The following IL10RA variants were observed in gnomAD, a reference collection of about 807,000 sequenced individuals.
The protein encoded by IL10RA is interleukin-10 receptor subunit alpha.
IL10RA carries 18 observed loss-of-function variants against 29.6 expected under a neutral mutation model. The observed-to-expected ratio is 0.61, with a 90% CI of 0.42 to 0.90. The LOEUF is 0.90. IL10RA is among the 40% of genes least tolerant of loss of function. The pLI, the probability that IL10RA is intolerant of heterozygous loss-of-function variation, is 0.00. For synonymous variants in IL10RA, 292 were observed against 294.1 expected (o/e 0.99, Z 0.07); for missense variants, 634 against 716.6 (o/e 0.88, Z 1.32).
At position 117,989,157 on chromosome 11, in the gene IL10RA, G is replaced by T. The variant is rs2134982724; in HGVS notation, c.189-285G>T. ...TGACTGTAAAGGCAGTGGGGAGAAG[G>T]GAGAGACCAGGCTGTGCTGTAGGAG... On this transcript the variant is annotated intron_variant, in intron 2 of 6. Transcript: ENST00000227752. The surrounding 1 kb of genome is among the most constrained non-coding windows in gnomAD (Gnocchi z 4.5). Among the ~76,000 whole-genome samples, 1 of 152,350 alleles carries T rather than the reference G, an allele frequency of 6.6e-6. No individual in the cohort carries two copies. Among genetic ancestry groups the T allele is most frequent in the Non-Finnish European group, 1.5e-5 (1 of 68,024 alleles).
At chr11:117,996,681 CTCAGGTT>C (rs1415412861) in intron 6 of IL10RA, among the ~76,000 whole-genome samples, 2 of 152,252 alleles carry the variant, frequency 1.3e-5, no homozygotes, top group African/African-American at 2.4e-5. Flanking sequence ...GCCTCACCCT[CTCAGGTT>C]CCAGTGATTC....
Position 117,999,174 on chromosome 11 carries a change from C to A in IL10RA, c.1270C>A (p.His424Asn), listed in dbSNP as rs1204491514. The A allele has an allele frequency of 6.2e-7, 1 of 1,614,066 alleles. No individual in the cohort carries two copies. The highest frequency in any genetic ancestry group is 8.5e-7 in the Non-Finnish European group (1 of 1,180,018). Residue 424 changes from histidine to asparagine, a missense_variant, in exon 7 of 7, where the codon CAC (histidine) becomes AAC (asparagine). Physicochemically the swap from His to Asn is moderately conservative, Grantham distance 68. Coordinates refer to ENST00000227752, the MANE Select transcript of IL10RA (RefSeq NM_001558.4). ...CACACAGGGTGGCTCGGCCTTGGGC[C>A]ACCACAGTCCCCCGGAGCCTGAGGT... Reference protein sequence around the residue: ...GDTQGGSALGHHSPPEPEVPG... With the variant: ...GDTQGGSALGNHSPPEPEVPG...
chr11:117,990,399 GC>G (rs1195539392), intron 3 of IL10RA, among the ~76,000 whole-genome samples: 1 of 151,378 alleles, frequency 6.6e-6, no homozygotes, highest in African/African-American at 2.4e-5. Context: ...TTTGATTTGA[GC>G]AAGGCAATTA....
At position 117,988,512 on chromosome 11, in the gene IL10RA, A is replaced by T; in HGVS notation, c.188+10A>T. 1.2e-6 allele frequency: 2 copies of T among 1,613,196 alleles called. No individual in the cohort carries two copies. The highest frequency in any genetic ancestry group is 2.2e-5 in the South Asian group (2 of 91,068). On this transcript the variant is annotated intron_variant, in intron 2 of 6. Transcript: ENST00000227752. Reference sequence around the variant, plus strand: ...AAGTGGCGCTCCTGAGGTGAGGAAAAGGGAAGAGGGAGGGGGAGGGAGGAG... The same window carrying T: ...AAGTGGCGCTCCTGAGGTGAGGAAATGGGAAGAGGGAGGGGGAGGGAGGAG...
intron 3 of IL10RA, chr11:117,992,999 G>T (rs1360174220): frequency 3.8e-6 from 2 of 531,328 alleles, no homozygotes; most frequent in East Asian, 3.3e-5. Context: ...ATCAATTGTG[G>T]GTTTATTTCT....
chr11:117,988,522 G>A lies in IL10RA; in HGVS notation c.188+20G>A. On this transcript the variant is annotated intron_variant, in intron 2 of 6. Transcript: ENST00000227752. ...CCTGAGGTGAGGAAAAGGGAAGAGGGAGGGGGAGGGAGGAGTGAATCCCCG... is the reference window on the plus strand; with the variant it reads ...CCTGAGGTGAGGAAAAGGGAAGAGGAAGGGGGAGGGAGGAGTGAATCCCCG... 5.6e-6 allele frequency: 9 copies of A among 1,613,262 alleles called. No individual in the cohort carries two copies. The highest frequency in any genetic ancestry group is 6.8e-6 in the Non-Finnish European group (8 of 1,179,260).
chr11:117,995,436 A>C, intron 5 of IL10RA, 153 bp from the exon 6 acceptor site: 1 of 914,442 alleles, frequency 1.1e-6, no homozygotes, highest in Non-Finnish European at 1.8e-6. Flanking sequence ...AGAAACCTAG[A>C]CACATCTAGA....
chr11:117,987,049 A>C (rs1591260296), intron 1 of IL10RA: 3 of 376,402 alleles, frequency 8.0e-6, no homozygotes, highest in Non-Finnish European at 1.6e-5. Context: ...TCTCCTCCTA[A>C]CCCAGCCAGT....
chr11:117,988,286 A>G, intron 1 of IL10RA, 96 bp from the exon 2 acceptor site: 2 of 1,538,040 alleles, frequency 1.3e-6, no homozygotes, highest in South Asian at 1.1e-5. Context: ...CGGGCGAGTC[A>G]TAGCCTCTCT....
At position 117,989,698 on chromosome 11, in the gene IL10RA, C is replaced by A; in HGVS notation, c.367+78C>A. On this transcript the variant is annotated intron_variant, in intron 3 of 6. Coordinates refer to ENST00000227752, the MANE Select transcript of IL10RA (RefSeq NM_001558.4). The surrounding 1 kb of genome is among the most constrained non-coding windows in gnomAD (Gnocchi z 4.5). ...GAACTCTAGTCTAGAGCTTTTCTGT[C>A]TATTACCATAGCTCACCATGTCTGC... The A allele has an allele frequency of 7.0e-7, 1 of 1,420,708 alleles. No individual in the cohort carries two copies. The highest frequency in any genetic ancestry group is 9.8e-7 in the Non-Finnish European group (1 of 1,024,590). The allele number at this position is 1,420,708 out of a possible 1,614,324, so 88.0% of individuals were successfully genotyped here. A position where few individuals can be genotyped will look rare whatever the true frequency, so the allele number is the denominator to read the frequency against.
In IL10RA at chr11:117,999,043, G is replaced by A. The variant is rs2058074890; in HGVS notation, c.1139G>A (p.Ser380Asn). The change falls in exon 7 of 7, where the codon AGC becomes AAC. Residue 380 changes from serine (S) to asparagine (N), a missense_variant. Ser to Asn is a conservative substitution (Grantham distance 46). Coordinates refer to ENST00000227752, the MANE Select transcript of IL10RA (RefSeq NM_001558.4). Reference protein sequence around the residue: ...SGICLQEPSLSPSTGPTWEQQ... With the variant: ...SGICLQEPSLNPSTGPTWEQQ... ...ATCTGCCTGCAGGAGCCCAGCCTGA[G>A]CCCCAGCACAGGGCCCACCTGGGAG... 1 of 1,612,942 alleles carries A rather than the reference G, an allele frequency of 6.2e-7. No homozygotes were observed. Among genetic ancestry groups the A allele is most frequent in the African/African-American group, 1.3e-5 (1 of 74,938 alleles).
At chr11:117,990,161 A>T (rs562645915) in intron 3 of IL10RA, among the ~76,000 whole-genome samples, 1 of 152,114 alleles carries the variant, frequency 6.6e-6, no homozygotes, top group East Asian at 1.9e-4. Flanking sequence ...GTGCATGGAG[A>T]CCTCGCTCTG....
chr11:118,000,965 T>G lies in IL10RA; in HGVS notation c.*1324T>G. 2.2e-6 allele frequency: 1 copy of G among 454,150 alleles called. No homozygotes were observed. The highest frequency in any genetic ancestry group is 4.4e-6 in the Non-Finnish European group (1 of 226,726). 28.1% of individuals were successfully genotyped at this position (454,150 alleles called of 1,614,324 possible). A position where few individuals can be genotyped will look rare whatever the true frequency, so the allele number is the denominator to read the frequency against. ...ACAAAGGCAGTTCAGTCCACAGGCA[T>G]GGAAGCTGTGAGGGGACAGGCCTGT... On this transcript the variant is annotated 3_prime_UTR_variant, in exon 7 of 7. Transcript: ENST00000227752.
Position 117,989,738 on chromosome 11 carries a change from G to T in IL10RA, c.367+118G>T. On this transcript the variant is annotated intron_variant, in intron 3 of 6. Coordinates refer to ENST00000227752, the MANE Select transcript of IL10RA (RefSeq NM_001558.4). This position sits in a 1 kb window ranked among gnomAD's most constrained non-coding sequence, Gnocchi z 4.5. ...ACCATGTCTGCCAGCCTCCCTGGCC[G>T]GAGAACTAGTTGCCCAAACAGGGCA... The T allele has an allele frequency of 9.3e-7, 1 of 1,070,510 alleles. No individual in the cohort carries two copies. The highest frequency in any genetic ancestry group is 1.4e-6 in the Non-Finnish European group (1 of 719,456). 66.3% of individuals were successfully genotyped at this position (1,070,510 alleles called of 1,614,324 possible).
At chr11:118,002,498 G>A (rs1020830538), downstream of IL10RA, 4 of 152,260 alleles carry the variant, frequency 2.6e-5, no homozygotes, top group African/African-American at 9.6e-5. Context: ...TCCTGGAAAT[G>A]AGGTGTTAGC....
At chr11:118,001,516 A>G (rs1402012032), downstream of IL10RA, 36 of 386,718 alleles carry the variant, frequency 9.3e-5, no homozygotes, top group Admixed American at 9.9e-4. Flanking sequence ...CTGATGGCAC[A>G]TTGGCTCATG....
rs936892993 is a variant in IL10RA at position 118,000,417 on chromosome 11, C to A, written c.*776C>A. ...GCACTTGCTGAGGCCAAGCCACTCACATCCTCACTTTGCTGCCCCACCATC... is the reference window on the plus strand; with the variant it reads ...GCACTTGCTGAGGCCAAGCCACTCAAATCCTCACTTTGCTGCCCCACCATC... On this transcript the variant is annotated 3_prime_UTR_variant, in exon 7 of 7. Coordinates refer to ENST00000227752, the MANE Select transcript of IL10RA (RefSeq NM_001558.4). The A allele has an allele frequency of 6.4e-5, 29 of 454,198 alleles. No individual in the cohort carries two copies. Among genetic ancestry groups the A allele is most frequent in the African/African-American group, 5.6e-4 (28 of 50,010 alleles). The allele number at this position is 454,198 out of a possible 1,614,324, so 28.1% of individuals were successfully genotyped here. A position where few individuals can be genotyped will look rare whatever the true frequency, so the allele number is the denominator to read the frequency against.
At chr11:118,002,237 G>A (rs529285772), downstream of IL10RA, 128 of 152,392 alleles carry the variant, frequency 8.4e-4, no homozygotes, top group African/African-American at 3.0e-3. Context: ...AGCTTCCTGG[G>A]TGTGCTTTTC....
chr11:117,995,905 G>A (rs1009891513), intron 6 of IL10RA, among the ~76,000 whole-genome samples, 195 bp downstream of exon 6: 2 of 152,170 alleles, frequency 1.3e-5, no homozygotes, highest in Non-Finnish European at 2.9e-5. Context: ...GCCCAGTACC[G>A]AGAATGTTGC....
Sources: allele counts gnomAD v4.1 joint callset (sites outside exome capture counted in the v4.1 genomes callset), GRCh38; gene constraint gnomAD v4.1.1; non-coding constraint Gnocchi (gnomAD v3.1); transcripts MANE v1.5; gene names NCBI Gene and HGNC (gene_info 2026-07-23, HGNC 2026-07-21).